The following GCNT1 variants were observed in gnomAD, a reference collection of about 807,000 sequenced individuals.
GCNT1 encodes the protein glucosaminyl (N-acetyl) transferase 1.
GCNT1 carries 16 observed loss-of-function variants against 26.2 expected under a neutral mutation model. That is an observed-to-expected ratio of 0.61 (90% CI 0.41 to 0.93). The LOEUF is 0.93. Ranked by LOEUF, GCNT1 falls within the 40% of genes least tolerant of loss-of-function variation. GCNT1 has a pLI of 0.00. For missense variants in GCNT1, 477 were observed against 526.7 expected (o/e 0.91, Z 0.92); for synonymous variants, 183 against 190.8 (o/e 0.96, Z 0.34).
chr9:76,474,701 A>G (rs1346453096), intron 2 of GCNT1, among the ~76,000 whole-genome samples: 1 of 152,236 alleles, frequency 6.6e-6, no homozygotes, highest in African/African-American at 2.4e-5. Flanking sequence ...GTTTTTGGGA[A>G]ATTATATGCT....
chr9:76,393,914 C>T, the GCNT1 span: 1 of 609,002 alleles, frequency 1.6e-6, no homozygotes, highest in Non-Finnish European at 2.8e-6. Flanking sequence ...CAGGGACAAG[C>T]TCCCTCAACC....
chr9:76,480,063 T>C (rs1200127117), intron 2 of GCNT1, among the ~76,000 whole-genome samples: 1 of 152,244 alleles, frequency 6.6e-6, no homozygotes, highest in Non-Finnish European at 1.5e-5. Flanking sequence ...AGTTTCAGCT[T>C]TCTACATATG....
the GCNT1 span, among the ~76,000 whole-genome samples, chr9:76,413,653 G>GTTTTTTTT: frequency 9.3e-5 from 11 of 118,660 alleles, no homozygotes; most frequent in East Asian, 5.5e-4. Flanking sequence ...GTTTTGTTTT[G>GTTTTTTTT]TTTTTTTTTT....
rs1825127538 is a variant in GCNT1 at position 76,503,021 on chromosome 9, A to G, written c.640A>G (p.Ile214Val). ...AATGAGTGCAAACTGGAAGTACTTG[A>G]TAAATCTTTGTGGTATGGATTTTCC... ...YAMSANWKYL[I>V]NLCGMDFPIK... Residue 214 changes from isoleucine to valine, a missense_variant, in exon 4 of 4, where the codon ATA becomes GTA. Coordinates refer to ENST00000376730, the MANE Select transcript of GCNT1 (RefSeq NM_001490.5). 1.2e-6 allele frequency: 2 copies of G among 1,614,012 alleles called. No individual in the cohort carries two copies. The highest frequency in any genetic ancestry group is 2.7e-5 in the African/African-American group (2 of 75,030).
intron 1 of GCNT1, among the ~76,000 whole-genome samples, chr9:76,454,114 C>G (rs1823713787): frequency 6.6e-6 from 1 of 152,000 alleles, no homozygotes; most frequent in Admixed American, 6.6e-5. Context: ...AGTGCGGTGG[C>G]TCATGCCTGT....
chr9:76,479,581 C>T (rs999665748), intron 2 of GCNT1, among the ~76,000 whole-genome samples: 3 of 152,238 alleles, frequency 2.0e-5, no homozygotes, highest in East Asian at 1.9e-4. Flanking sequence ...TATCTCATTG[C>T]AGTTTTGATT....
At chr9:76,396,760 C>T in the GCNT1 span, among the ~76,000 whole-genome samples, 7 of 152,138 alleles carry the variant, frequency 4.6e-5, no homozygotes, top group African/African-American at 1.7e-4. Flanking sequence ...AAGAGTCGCT[C>T]GAACCTGGCG....
At chr9:76,481,366 C>G (rs879832037) in intron 2 of GCNT1, among the ~76,000 whole-genome samples, 1 of 151,434 alleles carries the variant, frequency 6.6e-6, no homozygotes, top group African/African-American at 2.4e-5. Context: ...TTGAATTCTG[C>G]CTGATATACA....
intron 3 of GCNT1, 76 bp from the exon 4 acceptor site, chr9:76,502,163 C>T (rs1825088720): frequency 8.3e-6 from 1 of 119,872 alleles, no homozygotes; most frequent in Non-Finnish European, 1.4e-5. Context: ...AAAACTCTCT[C>T]TCTCTCTCTC....
rs1825131937 is a variant in GCNT1, at chr9:76,503,139, A to G, written c.758A>G (p.Glu253Gly). The G allele has an allele frequency of 6.2e-7, 1 of 1,614,202 alleles. No homozygotes were observed. The highest frequency in any genetic ancestry group is 1.7e-5 in the Admixed American group (1 of 60,028). The part of the protein sequence containing the change: ...ETERMPSHKE[E>G]RWKKRYEVVN... ...GAGAGGATGCCATCCCATAAAGAAGAAAGGTGGAAGAAGCGGTATGAGGTC... is the reference window on the plus strand; with the variant it reads ...GAGAGGATGCCATCCCATAAAGAAGGAAGGTGGAAGAAGCGGTATGAGGTC... The change falls in exon 4 of 4, where the codon GAA (glutamate) becomes GGA (glycine). Residue 253 changes from glutamate (E) to glycine (G), a missense_variant. Coordinates refer to ENST00000376730, the MANE Select transcript of GCNT1 (RefSeq NM_001490.5).
intron 2 of GCNT1, among the ~76,000 whole-genome samples, chr9:76,475,599 G>A (rs555632744): frequency 1.3e-5 from 2 of 152,000 alleles, no homozygotes; most frequent in East Asian, 3.9e-4. Flanking sequence ...AGACAAGCCT[G>A]AGACTTGACC....
chr9:76,451,959 TTTTTTTTG>T (rs1823672405), intron 1 of GCNT1, among the ~76,000 whole-genome samples: 1 of 86,476 alleles, frequency 1.2e-5, no homozygotes, highest in South Asian at 3.4e-4. Flanking sequence ...TTTTTTTTTT[TTTTTTTTG>T]TTGTTGTTGT....
chr9:76,470,382 T>G (rs1176148853), intron 2 of GCNT1, among the ~76,000 whole-genome samples: 1 of 152,034 alleles, frequency 6.6e-6, no homozygotes, highest in Non-Finnish European at 1.5e-5. Context: ...GGCAGGCAGA[T>G]CGCTTGAGCC....
At chr9:76,466,729 G>GGA (rs146707328) in intron 2 of GCNT1, among the ~76,000 whole-genome samples, 2,777 of 152,282 alleles carry the variant, frequency 0.018, 77 homozygotes, top group African/African-American at 0.063. Flanking sequence ...AAGGACGGAG[G>GGA]GAGAGGATGG....
At chr9:76,407,465 A>G in the GCNT1 span, among the ~76,000 whole-genome samples, 1 of 151,986 alleles carries the variant, frequency 6.6e-6, no homozygotes, top group Non-Finnish European at 1.5e-5. Flanking sequence ...CTATTGATCT[A>G]TTTGTCCACT....
the GCNT1 span, among the ~76,000 whole-genome samples, chr9:76,406,557 C>T: frequency 5.3e-5 from 8 of 150,494 alleles, no homozygotes; most frequent in Admixed American, 2.0e-4. Flanking sequence ...TGGTGGCTCA[C>T]GGGTGTGGTG....
At chr9:76,442,595 C>G (rs1157155262) in intron 1 of GCNT1, among the ~76,000 whole-genome samples, 1 of 152,126 alleles carries the variant, frequency 6.6e-6, no homozygotes, top group African/African-American at 2.4e-5. Flanking sequence ...GCAGGAGAAC[C>G]ACTTGAACCC....
the GCNT1 span, among the ~76,000 whole-genome samples, chr9:76,407,918 C>T: frequency 2.6e-5 from 4 of 152,048 alleles, no homozygotes; most frequent in African/African-American, 9.7e-5. Context: ...TTTCTAATTC[C>T]ACTGGTTAAT....
rs910784064 is a variant in GCNT1, at chr9:76,505,678, T to C, written c.*2010T>C. The C allele has an allele frequency of 3.1e-4, 52 of 167,074 alleles. No individual in the cohort carries two copies. The highest frequency in any genetic ancestry group is 2.9e-5 in the Non-Finnish European group (2 of 68,120). The allele number at this position is 167,074 out of a possible 1,614,324, so 10.3% of individuals were successfully genotyped here. A position where few individuals can be genotyped will look rare whatever the true frequency, so the allele number is the denominator to read the frequency against. On this transcript the variant is annotated 3_prime_UTR_variant, in exon 4 of 4. Coordinates refer to ENST00000376730, the MANE Select transcript of GCNT1 (RefSeq NM_001490.5). ...TGTAACCCTCACCTGGTGTTAACAT[T>C]GTACCCTATTTGCTTTAAGTTGTAT...
Sources: gnomAD v4.1 joint callset for allele counts (sites outside exome capture counted in the v4.1 genomes callset) on GRCh38, gnomAD v4.1.1 for gene constraint, MANE v1.5 for transcripts, NCBI Gene and HGNC (gene_info 2026-07-23, HGNC 2026-07-21) for gene names.